RGPD2: variants seen among roughly 807,000 people sequenced by gnomAD.
RGPD2 encodes RANBP2-like and GRIP domain-containing protein 2.
In RGPD2, 2 loss-of-function variants were observed where a neutral mutation model predicts 36.0. That is an observed-to-expected ratio of 0.06 (90% CI 0.02 to 0.17). The LOEUF is 0.17. Ranked by LOEUF, RGPD2 falls within the 10% of genes least tolerant of loss-of-function variation. The pLI is 1.00. For synonymous variants in RGPD2, 19 were observed against 163.8 expected (o/e 0.12, Z 6.75); for missense variants, 40 against 464.3 (o/e 0.09, Z 8.40).
the RGPD2 span, among the ~76,000 whole-genome samples, chr2:87,921,761 T>C: frequency 6.6e-6 from 1 of 152,120 alleles, no homozygotes; most frequent in African/African-American, 2.4e-5. Flanking sequence ...TCACCTGAGG[T>C]AGGCTGCCAC....
chr2:87,839,478 C>T, the RGPD2 span, among the ~76,000 whole-genome samples: 3 of 152,160 alleles, frequency 2.0e-5, no homozygotes, highest in Admixed American at 6.6e-5. Context: ...GACACATGCA[C>T]TCATATGTTC....
the RGPD2 span, among the ~76,000 whole-genome samples, chr2:87,871,755 C>T: frequency 3.3e-5 from 5 of 150,794 alleles, no homozygotes; most frequent in Middle Eastern, 3.4e-3. Flanking sequence ...ATCCCAGCTA[C>T]TCGGGAGGCT....
the RGPD2 span, among the ~76,000 whole-genome samples, chr2:87,988,830 C>A: frequency 1.3e-5 from 2 of 151,876 alleles, no homozygotes; most frequent in African/African-American, 4.8e-5. Flanking sequence ...TGTGAGCCAC[C>A]ATGCCCAGCA....
chr2:87,864,609 G>GATAC, the RGPD2 span, among the ~76,000 whole-genome samples: 3 of 125,228 alleles, frequency 2.4e-5, no homozygotes, highest in South Asian at 2.4e-4. Flanking sequence ...TAGATAGATA[G>GATAC]ATAGATAGAT....
At chr2:87,942,500 T>C in the RGPD2 span, among the ~76,000 whole-genome samples, 5 of 143,938 alleles carry the variant, frequency 3.5e-5, no homozygotes, top group African/African-American at 1.3e-4. Flanking sequence ...AATACTTGGA[T>C]ATATTTTTGG....
the RGPD2 span, among the ~76,000 whole-genome samples, chr2:87,846,735 T>C: frequency 3.3e-5 from 5 of 150,900 alleles, no homozygotes; most frequent in African/African-American, 9.7e-5. Context: ...ATTTTTTAAA[T>C]GGTAAACATT....
the RGPD2 span, among the ~76,000 whole-genome samples, chr2:87,911,832 C>G: frequency 6.6e-6 from 1 of 151,532 alleles, no homozygotes. Context: ...AGTTTGAAAA[C>G]AACTTCAAAT....
chr2:87,878,801 T>C, the RGPD2 span, among the ~76,000 whole-genome samples: 2 of 152,232 alleles, frequency 1.3e-5, no homozygotes, highest in Non-Finnish European at 2.9e-5. Context: ...ATTTGACTTT[T>C]TTAGATTTCA....
the RGPD2 span, among the ~76,000 whole-genome samples, chr2:87,875,047 A>C: frequency 6.6e-6 from 1 of 152,270 alleles, no homozygotes; most frequent in Non-Finnish European, 1.5e-5. Flanking sequence ...CAAGTTTTGC[A>C]CATTGATTTT....
chr2:87,986,133 C>A, the RGPD2 span, among the ~76,000 whole-genome samples: 1 of 83,448 alleles, frequency 1.2e-5, no homozygotes, highest in Non-Finnish European at 2.4e-5. Context: ...GGTCTGAAGA[C>A]AGCTTTTTTT....
chr2:87,988,310 T>A, the RGPD2 span, among the ~76,000 whole-genome samples: 1 of 132,858 alleles, frequency 7.5e-6, no homozygotes, highest in Non-Finnish European at 1.6e-5. Context: ...TAATTCTGAT[T>A]GTATTTTGAC....
At chr2:87,894,562 T>G in the RGPD2 span, among the ~76,000 whole-genome samples, 1 of 152,090 alleles carries the variant, frequency 6.6e-6, no homozygotes, top group Admixed American at 6.6e-5. Context: ...TATCTATCAT[T>G]TATAAATACC....
chr2:87,918,633 C>T, the RGPD2 span, among the ~76,000 whole-genome samples: 1 of 152,016 alleles, frequency 6.6e-6, no homozygotes, highest in Non-Finnish European at 1.5e-5. Flanking sequence ...CCATGGACAC[C>T]TATACATGAT....
chr2:87,989,752 G>C, the RGPD2 span: 14 of 962,288 alleles, frequency 1.5e-5, no homozygotes, highest in East Asian at 3.5e-4. Context: ...GTTCCAAGCT[G>C]TTGGAAAGTA....
chr2:87,962,027 C>CAAA, the RGPD2 span, among the ~76,000 whole-genome samples: 1 of 108,428 alleles, frequency 9.2e-6, no homozygotes, highest in Non-Finnish European at 1.9e-5. Flanking sequence ...ACACTTGTCT[C>CAAA]AAAAAAAAAA....
chr2:87,952,329 G>A, the RGPD2 span, among the ~76,000 whole-genome samples: 1 of 152,090 alleles, frequency 6.6e-6, no homozygotes, highest in South Asian at 2.1e-4. Flanking sequence ...TCAAGTTTCT[G>A]CTACATTTCA....
In RGPD2 at chr2:87,810,078, T is replaced by C. The variant is rs1012862707; in HGVS notation, c.779+1407A>G. Among the ~76,000 whole-genome samples, 17 of 24,214 alleles carry C rather than the reference T, an allele frequency of 7.0e-4. 1 individual carries two copies. In the South Asian group the frequency reaches 0.022, roughly 31 times the overall value. The allele number at this position is 24,214 out of a possible 152,430, so 15.9% of individuals were successfully genotyped here. A position where few individuals can be genotyped will look rare whatever the true frequency, so the allele number is the denominator to read the frequency against. ...CAGGAGGCAGAGACAAGAGAATCAC[T>C]TGAACCCAGGAGGCAGAGGTTGCAG... is the stretch of plus-strand genomic sequence containing the variant. On this transcript the variant is annotated intron_variant, in intron 6 of 22. Transcript: ENST00000398146.
chr2:87,875,426 T>A, the RGPD2 span, among the ~76,000 whole-genome samples: 12,994 of 121,186 alleles, frequency 0.11, no homozygotes, highest in African/African-American at 0.23. Flanking sequence ...GATGTTGAAT[T>A]TTATCAAAAG....
the RGPD2 span, among the ~76,000 whole-genome samples, chr2:87,915,143 G>T: frequency 6.6e-6 from 1 of 151,228 alleles, no homozygotes; most frequent in Non-Finnish European, 1.5e-5. Context: ...GCAAAACTCC[G>T]TCTCAAAAAA....
Sources: allele counts gnomAD v4.1 joint callset (sites outside exome capture counted in the v4.1 genomes callset), GRCh38; gene constraint gnomAD v4.1.1; transcripts MANE v1.5; gene names NCBI Gene and HGNC (gene_info 2026-07-23, HGNC 2026-07-21).